Variants in TGFBR2 observed in about 807,000 individuals in gnomAD.
The protein encoded by TGFBR2 is TGF-beta receptor type-2.
Under a neutral mutation model 49.0 loss-of-function variants are expected in TGFBR2, and 18 were observed. The ratio of observed to expected loss-of-function variants is 0.37; its 90% CI spans 0.25 to 0.54. TGFBR2 has a LOEUF of 0.54. Among genes scored for constraint, TGFBR2 ranks in the 20% least tolerant of loss-of-function variants. TGFBR2 has a pLI of 0.85. For missense variants in TGFBR2, 525 were observed against 722.6 expected, an observed-to-expected ratio of 0.73 and a Z score of 3.13; for synonymous variants, 282 against 275.9, an observed-to-expected ratio of 1.02 and a Z score of -0.22.
At chr3:30,647,564 A>C (rs73823657) in intron 2 of TGFBR2, among the ~76,000 whole-genome samples, 1,051 of 59,988 alleles carry the variant, frequency 0.018, 9 homozygotes, top group African/African-American at 0.085. Context: ...GTGTTTTTTC[A>C]TTCATTCATT....
At chr3:30,643,636 T>G (rs17025862) in intron 1 of TGFBR2, among the ~76,000 whole-genome samples, 5,782 of 152,304 alleles carry the variant, frequency 0.038, 122 homozygotes, top group Non-Finnish European at 0.045. Flanking sequence ...ACTCCTTGTA[T>G]TCATCCTGTG....
chr3:30,682,855 G>A (rs1699561746), intron 5 of TGFBR2, among the ~76,000 whole-genome samples: 3 of 152,190 alleles, frequency 2.0e-5, no homozygotes, highest in African/African-American at 7.2e-5. Context: ...GCTGAGGAGG[G>A]CCCCATCAAG....
At chr3:30,607,047 G>T in intron 1 of TGFBR2, 70 bp downstream of exon 1, 1 of 1,375,572 alleles carries the variant, frequency 7.3e-7, no homozygotes, top group Non-Finnish European at 1.0e-6. Context: ...TCTCCGCTGC[G>T]CTTGACAGTC....
In TGFBR2 at chr3:30,692,695, T is replaced by G. The variant is rs1256059326; in HGVS notation, c.*1096T>G. 1 of 233,128 alleles carries G rather than the reference T, an allele frequency of 4.3e-6. No individual in the cohort carries two copies. The highest frequency in any genetic ancestry group is 2.2e-5 in the African/African-American group (1 of 45,348). The allele number at this position is 233,128 out of a possible 1,614,324, so 14.4% of individuals were successfully genotyped here. ...ATTGCTCAAGCACAGTTTGGCCTGATGAAGAGGATTTCAACTACACAATAC... is the reference window on the plus strand; with the variant it reads ...ATTGCTCAAGCACAGTTTGGCCTGAGGAAGAGGATTTCAACTACACAATAC... On this transcript the variant is annotated 3_prime_UTR_variant, in exon 7 of 7. Transcript: ENST00000295754.
Position 30,626,530 on chromosome 3 carries a change from C to A in TGFBR2, c.95-18217C>A, listed in dbSNP as rs538636076. 68 of 152,432 alleles carry A rather than the reference C, an allele frequency of 4.5e-4. 1 individual carries two copies. The highest frequency in any genetic ancestry group is 1.6e-3 in the African/African-American group (67 of 41,580). 9.4% of individuals were successfully genotyped at this position (152,432 alleles called of 1,614,324 possible). Reference sequence around the variant, plus strand: ...TTGTTAGCCCCAGGGCCATGCTACTCCACTTCCTTCAAGGAAACAGAGGGA... The same window carrying A: ...TTGTTAGCCCCAGGGCCATGCTACTACACTTCCTTCAAGGAAACAGAGGGA... On this transcript the variant is annotated intron_variant, in intron 1 of 6. Transcript: ENST00000295754.
In TGFBR2 at chr3:30,693,670, G is replaced by C. The variant is rs1233949972; in HGVS notation, c.*2071G>C. On this transcript the variant is annotated 3_prime_UTR_variant, in exon 7 of 7. Transcript: ENST00000295754. ...CTAGAAATTCCACTTGCACCGTAGG[G>C]CATGCTGATACCATCCCAATAGCTG... is the stretch of plus-strand genomic sequence containing the variant. 1 of 233,432 alleles carries C rather than the reference G, an allele frequency of 4.3e-6. No individual in the cohort carries two copies. The highest frequency in any genetic ancestry group is 8.5e-6 in the Non-Finnish European group (1 of 117,918). 14.5% of individuals were successfully genotyped at this position (233,432 alleles called of 1,614,324 possible).
intron 1 of TGFBR2, among the ~76,000 whole-genome samples, chr3:30,622,919 A>G (rs1575133719): frequency 1.4e-5 from 2 of 145,034 alleles, no homozygotes; most frequent in African/African-American, 5.6e-5. Flanking sequence ...GAAAGGAAAA[A>G]GAAAAAGAAA....
intron 3 of TGFBR2, among the ~76,000 whole-genome samples, chr3:30,670,176 C>A (rs1388305812): frequency 6.6e-6 from 1 of 152,184 alleles, no homozygotes; most frequent in Non-Finnish European, 1.5e-5. Flanking sequence ...TAACATAGCA[C>A]TCTTTCCACT....
chr3:30,617,339 C>T (rs1211833407), intron 1 of TGFBR2, among the ~76,000 whole-genome samples: 2 of 151,996 alleles, frequency 1.3e-5, no homozygotes, highest in Admixed American at 6.6e-5. Flanking sequence ...TACTACATAT[C>T]GGATTTGCGT....
chr3:30,624,099 T>C lies in TGFBR2; in HGVS notation c.94+17122T>C, dbSNP rs568843945. On this transcript the variant is annotated intron_variant, in intron 1 of 6. Coordinates refer to ENST00000295754, the MANE Select transcript of TGFBR2 (RefSeq NM_003242.6). Reference sequence around the variant, plus strand: ...TGGAGGTTGCAGTGAGCCGAGATCATGCCATTGCACTCCAGCCTGGGCAAC... The same window carrying C: ...TGGAGGTTGCAGTGAGCCGAGATCACGCCATTGCACTCCAGCCTGGGCAAC... 2.0e-5 allele frequency among the ~76,000 whole-genome samples: 3 copies of C among 152,058 alleles called. No homozygotes were observed. The South Asian group carries it at 6.2e-4, about 32-fold the overall frequency.
chr3:30,625,814 C>G (rs1249002260), intron 1 of TGFBR2, among the ~76,000 whole-genome samples: 2 of 152,128 alleles, frequency 1.3e-5, no homozygotes, highest in Non-Finnish European at 2.9e-5. Context: ...TGCAGTTTTT[C>G]TAGTTACAGC....
intron 1 of TGFBR2, among the ~76,000 whole-genome samples, chr3:30,620,815 G>C (rs1416710847): frequency 6.6e-6 from 1 of 152,146 alleles, no homozygotes; most frequent in Non-Finnish European, 1.5e-5. Context: ...GGCTGAAGGG[G>C]TCTTGGTGCA....
chr3:30,667,092 G>T (rs768562555), intron 3 of TGFBR2, among the ~76,000 whole-genome samples: 1 of 152,138 alleles, frequency 6.6e-6, no homozygotes, highest in Non-Finnish European at 1.5e-5. Context: ...TACTTAAACT[G>T]TCTGATCTTT....
chr3:30,655,651 A>G (rs1411676694), intron 3 of TGFBR2, among the ~76,000 whole-genome samples: 1 of 152,074 alleles, frequency 6.6e-6, no homozygotes, highest in Non-Finnish European at 1.5e-5. Flanking sequence ...CATTTTTTCC[A>G]TGGAAAGCTT....
At chr3:30,641,254 C>T (rs1698638681) in intron 1 of TGFBR2, among the ~76,000 whole-genome samples, 1 of 152,168 alleles carries the variant, frequency 6.6e-6, no homozygotes, top group African/African-American at 2.4e-5. Flanking sequence ...GTTCATAAGG[C>T]TTTTATCAAA....
At chr3:30,637,415 A>G (rs1329696323) in intron 1 of TGFBR2, among the ~76,000 whole-genome samples, 1 of 152,204 alleles carries the variant, frequency 6.6e-6, no homozygotes, top group Non-Finnish European at 1.5e-5. Context: ...GAGCCAGAAC[A>G]CAGATACCTT....
chr3:30,659,008 G>A (rs908228906), intron 3 of TGFBR2, among the ~76,000 whole-genome samples: 11 of 152,168 alleles, frequency 7.2e-5, no homozygotes, highest in African/African-American at 2.2e-4. Context: ...CTCATTTTAT[G>A]TTTGTTCAGC....
chr3:30,625,047 C>T (rs1698306501), intron 1 of TGFBR2, among the ~76,000 whole-genome samples: 1 of 152,172 alleles, frequency 6.6e-6, no homozygotes, highest in Admixed American at 6.5e-5. Flanking sequence ...AAAGGGATTC[C>T]ATAGCAAGTC....
chr3:30,623,848 A>C (rs181416663), intron 1 of TGFBR2, among the ~76,000 whole-genome samples: 1 of 152,230 alleles, frequency 6.6e-6, no homozygotes, highest in Non-Finnish European at 1.5e-5. Context: ...CTGAATAAAC[A>C]TACAGAGAAG....
Sources: gnomAD v4.1 joint callset for allele counts (sites outside exome capture counted in the v4.1 genomes callset) on GRCh38, gnomAD v4.1.1 for gene constraint, MANE v1.5 for transcripts, NCBI Gene and HGNC (gene_info 2026-07-23, HGNC 2026-07-21) for gene names.